ASAP2: variants seen among roughly 807,000 people sequenced by gnomAD.
ASAP2 encodes ArfGAP with SH3 domain, ankyrin repeat and PH domain 2.
ASAP2 carries 45 observed loss-of-function variants against 131.4 expected under a neutral mutation model. That is an observed-to-expected ratio of 0.34 (90% CI 0.27 to 0.44). The LOEUF (loss-of-function observed/expected upper bound fraction) is 0.44. Among genes scored for constraint, ASAP2 ranks in the 20% least tolerant of loss-of-function variants. ASAP2 has a pLI of 1.00. For missense variants in ASAP2, 1,011 were observed against 1,297.0 expected, an observed-to-expected ratio of 0.78 and a Z score of 3.39; for synonymous variants, 510 against 503.0, an observed-to-expected ratio of 1.01 and a Z score of -0.19.
intron 1 of ASAP2, among the ~76,000 whole-genome samples, chr2:9,277,095 G>C (rs968176517): frequency 6.6e-6 from 1 of 152,196 alleles, no homozygotes; most frequent in Non-Finnish European, 1.5e-5. Context: ...TAGGCTGCAC[G>C]GTCACAGATC....
intron 3 of ASAP2, among the ~76,000 whole-genome samples, chr2:9,300,044 C>A (rs986824081): frequency 2.0e-5 from 3 of 152,190 alleles, no homozygotes; most frequent in African/African-American, 7.2e-5. Flanking sequence ...CCAGCCTGGG[C>A]AACATGGGGA....
At chr2:9,362,617 T>TA (rs1386399810) in intron 15 of ASAP2, among the ~76,000 whole-genome samples, 2 of 152,100 alleles carry the variant, frequency 1.3e-5, no homozygotes, top group African/African-American at 2.4e-5. Flanking sequence ...GGTGAGAAGA[T>TA]TGTTTGAGTC....
intron 11 of ASAP2, among the ~76,000 whole-genome samples, chr2:9,348,634 G>C (rs1409814907): frequency 1.3e-5 from 2 of 152,112 alleles, no homozygotes; most frequent in Non-Finnish European, 2.9e-5. Context: ...CATTCTTATG[G>C]TTGTCATTTT....
chr2:9,343,313 G>A (rs193138063), intron 9 of ASAP2, among the ~76,000 whole-genome samples: 1 of 152,296 alleles, frequency 6.6e-6, no homozygotes, highest in Admixed American at 6.5e-5. Flanking sequence ...GCCCTTTCCT[G>A]GTTGACCTGT....
At chr2:9,354,723 G>T (rs1298471057) in intron 12 of ASAP2, among the ~76,000 whole-genome samples, 1 of 151,942 alleles carries the variant, frequency 6.6e-6, no homozygotes, top group Non-Finnish European at 1.5e-5. Context: ...CAGGAACCAA[G>T]TTCTGCTGCT....
intron 20 of ASAP2, among the ~76,000 whole-genome samples, chr2:9,381,618 C>G (rs533754215): frequency 6.6e-6 from 1 of 152,254 alleles, no homozygotes; most frequent in African/African-American, 2.4e-5. Flanking sequence ...TGCCTGTAGC[C>G]CCAGTTACCC....
At chr2:9,255,607 A>G (rs1665099641) in intron 1 of ASAP2, among the ~76,000 whole-genome samples, 1 of 152,134 alleles carries the variant, frequency 6.6e-6, no homozygotes, top group East Asian at 1.9e-4. Context: ...GTCGTCAGAG[A>G]TTATGGAGTT....
Position 9,379,021 on chromosome 2 carries a change from T to C in ASAP2, c.1910T>C (p.Leu637Pro). Residue 637 changes from leucine to proline, a missense_variant, in exon 19 of 28, where the codon CTC becomes CCC. By Grantham distance (98) the Leu-to-Pro change is moderately conservative. Coordinates refer to ENST00000281419, the MANE Select transcript of ASAP2 (RefSeq NM_003887.3). ...TGCCTGACCGACAATGCCGAGTGCC[T>C]CAAGTTGCTCCTGCGGGGGAAGGCC... ...YCCLTDNAEC[L>P]KLLLRGKASI... The C allele has an allele frequency of 1.9e-6, 3 of 1,577,096 alleles. No individual in the cohort carries two copies. Among genetic ancestry groups the C allele is most frequent in the East Asian group, 2.4e-5 (1 of 41,492 alleles).
At position 9,388,339 on chromosome 2, in the gene ASAP2, C is replaced by G. The variant is rs537740923; in HGVS notation, c.2176C>G (p.Leu726Val). 1.2e-6 allele frequency: 2 copies of G among 1,614,190 alleles called. No individual in the cohort carries two copies. The highest frequency in any genetic ancestry group is 1.7e-6 in the Non-Finnish European group (2 of 1,180,034). Residue 726 changes from leucine (L) to valine (V), a missense_variant, in exon 22 of 28, where the codon CTG becomes GTG. Physicochemically the swap from Leu to Val is conservative, Grantham distance 32. Coordinates refer to ENST00000281419, the MANE Select transcript of ASAP2 (RefSeq NM_003887.3). Reference sequence around the variant, plus strand: ...AGACCGGCCCATCAGCTTCTACCAGCTGGGCTCCAACCAGCTTCAGTCTAA... The same window carrying G: ...AGACCGGCCCATCAGCTTCTACCAGGTGGGCTCCAACCAGCTTCAGTCTAA... ...REDRPISFYQ[L>V]GSNQLQSNAV... is the part of the protein sequence containing the mutation.
chr2:9,325,423 A>G (rs74665000), intron 6 of ASAP2, among the ~76,000 whole-genome samples: 1 of 152,220 alleles, frequency 6.6e-6, no homozygotes, highest in African/African-American at 2.4e-5. Flanking sequence ...TTTTACAAAC[A>G]ATCAGGGTGA....
intron 22 of ASAP2, among the ~76,000 whole-genome samples, 189 bp from the exon 23 acceptor site, chr2:9,390,873 C>T (rs1675662479): frequency 2.0e-5 from 3 of 152,154 alleles, no homozygotes; most frequent in African/African-American, 7.2e-5. Flanking sequence ...TTCGGTTTCG[C>T]GAGTATCAGT....
chr2:9,386,033 C>T (rs188560180), intron 21 of ASAP2, among the ~76,000 whole-genome samples: 6 of 152,328 alleles, frequency 3.9e-5, no homozygotes, highest in Admixed American at 1.3e-4. Flanking sequence ...GGCTCCTAGC[C>T]GCGACCCACT....
At chr2:9,265,530 T>G (rs1234754836) in intron 1 of ASAP2, among the ~76,000 whole-genome samples, 1 of 152,214 alleles carries the variant, frequency 6.6e-6, no homozygotes, top group Non-Finnish European at 1.5e-5. Context: ...TCGAAAAAAT[T>G]ATCAAATAAT....
chr2:9,211,495 C>T (rs1661557017), intron 1 of ASAP2, among the ~76,000 whole-genome samples: 1 of 152,036 alleles, frequency 6.6e-6, no homozygotes, highest in African/African-American at 2.4e-5. Flanking sequence ...GTTAGACCCT[C>T]CTTTATAGCA....
intron 24 of ASAP2, among the ~76,000 whole-genome samples, chr2:9,397,727 G>GATATATATATATATATATATATATAT (rs200560260): frequency 7.2e-5 from 6 of 83,526 alleles, no homozygotes; most frequent in African/African-American, 4.6e-4. Flanking sequence ...AAATCAAAAG[G>GATATATATATATATATATATATATAT]ATATATATAT....
Position 9,281,620 on chromosome 2 carries a change from G to A in ASAP2, c.199+2231G>A, listed in dbSNP as rs904816867. On this transcript the variant is annotated intron_variant, in intron 2 of 27. Transcript: ENST00000281419. The surrounding 1 kb of genome is among the most constrained non-coding windows in gnomAD (Gnocchi z 4.0). Reference sequence around the variant, plus strand: ...TTTTTCATCACCCTCTTTGAAGTTCGTGGAAGTCAGTTCCAGAGCATGGGA... The same window carrying A: ...TTTTTCATCACCCTCTTTGAAGTTCATGGAAGTCAGTTCCAGAGCATGGGA... Among the ~76,000 whole-genome samples the A allele has an allele frequency of 5.9e-5, 9 of 152,114 alleles. No individual in the cohort carries two copies. Among genetic ancestry groups the A allele is most frequent in the East Asian group, 1.9e-4 (1 of 5,196 alleles).
At chr2:9,349,975 T>C (rs1219512449) in intron 11 of ASAP2, among the ~76,000 whole-genome samples, 1 of 152,240 alleles carries the variant, frequency 6.6e-6, no homozygotes, top group Admixed American at 6.5e-5. Flanking sequence ...ATCTTTCCTT[T>C]AGCAGCTTGG....
intron 12 of ASAP2, among the ~76,000 whole-genome samples, chr2:9,354,645 C>CAAAAAAAAA (rs566781964): frequency 1.4e-5 from 1 of 74,018 alleles, no homozygotes. Flanking sequence ...GACTCCGTCT[C>CAAAAAAAAA]AAAAAAAAAA....
At chr2:9,335,005 G>A in intron 8 of ASAP2, 88 bp from the exon 9 acceptor site, 2 of 1,433,848 alleles carry the variant, frequency 1.4e-6, no homozygotes, top group South Asian at 2.3e-5. Context: ...GTCGCATTGT[G>A]TGGAAATGGC....
Sources: allele counts gnomAD v4.1 joint callset (sites outside exome capture counted in the v4.1 genomes callset), GRCh38; gene constraint gnomAD v4.1.1; non-coding constraint Gnocchi (gnomAD v3.1); transcripts MANE v1.5; gene names NCBI Gene and HGNC (gene_info 2026-07-23, HGNC 2026-07-21).